The following PLPPR1 variants were observed in gnomAD, a reference collection of about 807,000 sequenced individuals.
PLPPR1 encodes the protein phospholipid phosphatase-related protein type 1.
PLPPR1 carries 10 observed loss-of-function variants against 33.1 expected under a neutral mutation model. The observed-to-expected ratio is 0.30, with a 90% CI of 0.19 to 0.51. The LOEUF is 0.51. Among genes scored for constraint, PLPPR1 ranks in the 20% least tolerant of loss-of-function variants. The probability of loss-of-function intolerance (pLI) is 0.97; values close to 1 mark genes in which losing one functional copy is unlikely to be tolerated. For synonymous variants in PLPPR1, 151 were observed against 151.0 expected, an observed-to-expected ratio of 1.00 and a Z score of 0.00; for missense variants, 304 against 408.1, an observed-to-expected ratio of 0.74 and a Z score of 2.20.
In PLPPR1 at chr9:101,110,218, T is replaced by C. The variant is rs534687527; in HGVS notation, c.-45-75232T>C. Among the ~76,000 whole-genome samples, 188 of 152,338 alleles carry C rather than the reference T, an allele frequency of 1.2e-3. 1 individual carries two copies. The Middle Eastern group carries it at 0.031, about 25-fold the overall frequency. On this transcript the variant is annotated intron_variant, in intron 1 of 7. Coordinates refer to ENST00000374874, the MANE Select transcript of PLPPR1 (RefSeq NM_207299.2). ...GATGATTCAACAGGATTTTTGAATT[T>C]GAGTTTCAGATTGAGTGATAGATCT... is the stretch of plus-strand genomic sequence containing the variant.
chr9:101,062,803 A>C (rs917714789), intron 1 of PLPPR1, among the ~76,000 whole-genome samples: 3 of 152,044 alleles, frequency 2.0e-5, no homozygotes, highest in Non-Finnish European at 2.9e-5. Flanking sequence ...ATATGGTGTA[A>C]GTGCTTGTGT....
chr9:101,061,555 C>T (rs961059780), intron 1 of PLPPR1, among the ~76,000 whole-genome samples: 2 of 151,868 alleles, frequency 1.3e-5, no homozygotes, highest in Admixed American at 6.6e-5. Flanking sequence ...TCTGGATTTG[C>T]CATCACTTTT....
At position 101,288,665 on chromosome 9, in the gene PLPPR1, A is replaced by C. The variant is rs185103971; in HGVS notation, c.385+2429A>C. On this transcript the variant is annotated intron_variant, in intron 4 of 7. Coordinates refer to ENST00000374874, the MANE Select transcript of PLPPR1 (RefSeq NM_207299.2). Reference sequence around the variant, plus strand: ...TGCTCAAGTAAAAAACCTGAGAGACACCTTACGCCATCTGGGAACTTGTTA... The same window carrying C: ...TGCTCAAGTAAAAAACCTGAGAGACCCCTTACGCCATCTGGGAACTTGTTA... Among the ~76,000 whole-genome samples, 163 of 152,272 alleles carry C rather than the reference A, an allele frequency of 1.1e-3. 1 individual carries two copies. The highest frequency in any genetic ancestry group is 1.9e-3 in the Non-Finnish European group (131 of 68,026).
At chr9:101,313,325 TG>T (rs1564035510) in intron 6 of PLPPR1, among the ~76,000 whole-genome samples, 1 of 152,100 alleles carries the variant, frequency 6.6e-6, no homozygotes, top group Non-Finnish European at 1.5e-5. Context: ...CTCAGCATAT[TG>T]GGGGCAAAAG....
At chr9:101,323,001 T>C (rs1395013481) in intron 7 of PLPPR1, among the ~76,000 whole-genome samples, 1 of 152,194 alleles carries the variant, frequency 6.6e-6, no homozygotes, top group African/African-American at 2.4e-5. Context: ...AAAAATTCTA[T>C]ACATTTTGAA....
At chr9:101,301,811 A>C (rs1156930007) in intron 4 of PLPPR1, among the ~76,000 whole-genome samples, 1 of 152,244 alleles carries the variant, frequency 6.6e-6, no homozygotes, top group African/African-American at 2.4e-5. Context: ...CATATCATAG[A>C]TATTCAATCA....
chr9:101,040,199 A>C (rs1046608728), intron 1 of PLPPR1, among the ~76,000 whole-genome samples: 3 of 152,156 alleles, frequency 2.0e-5, no homozygotes, highest in African/African-American at 7.2e-5. Flanking sequence ...CTCAAGCATA[A>C]AGATAACACT....
At chr9:101,279,046 G>C (rs1186672021) in intron 3 of PLPPR1, among the ~76,000 whole-genome samples, 1 of 152,150 alleles carries the variant, frequency 6.6e-6, no homozygotes, top group Non-Finnish European at 1.5e-5. Flanking sequence ...AGTAAAACAT[G>C]ATATCACCAA....
Position 101,116,397 on chromosome 9 carries a change from C to T in PLPPR1, c.-45-69053C>T, listed in dbSNP as rs117771415. On this transcript the variant is annotated intron_variant, in intron 1 of 7. Transcript: ENST00000374874. The stretch of plus-strand genomic sequence containing the variant: ...TTGTCCACATATTGGAATCAGGTAG[C>T]GGTCCCATATCAGCTTGGTTCCATC... 9.3e-3 allele frequency among the ~76,000 whole-genome samples: 1,421 copies of T among 152,258 alleles called. 7 individuals are homozygous for T. Among genetic ancestry groups the T allele is most frequent in the Non-Finnish European group, 0.016 (1,071 of 68,024 alleles).
At chr9:101,070,474 G>A (rs559954744) in intron 1 of PLPPR1, among the ~76,000 whole-genome samples, 1 of 152,120 alleles carries the variant, frequency 6.6e-6, no homozygotes, top group South Asian at 2.1e-4. Flanking sequence ...AAAGGAACTC[G>A]AAGCAGGTCT....
intron 2 of PLPPR1, among the ~76,000 whole-genome samples, chr9:101,256,674 G>A (rs915978640): frequency 2.0e-5 from 3 of 152,054 alleles, no homozygotes; most frequent in Admixed American, 1.3e-4. Context: ...ATGCATAATA[G>A]TGAATAGTGT....
intron 2 of PLPPR1, among the ~76,000 whole-genome samples, chr9:101,251,566 G>A (rs76004732): frequency 0.026 from 3,993 of 151,938 alleles, 176 homozygotes; most frequent in African/African-American, 0.091. Context: ...AAAATGCTTC[G>A]GACTATATAA....
chr9:101,115,623 C>T (rs907938287), intron 1 of PLPPR1, among the ~76,000 whole-genome samples: 9 of 152,236 alleles, frequency 5.9e-5, no homozygotes, highest in African/African-American at 1.9e-4. Context: ...TTTTAGCAAC[C>T]GTTACTTAAA....
intron 2 of PLPPR1, among the ~76,000 whole-genome samples, chr9:101,264,650 A>G (rs1827954973): frequency 2.0e-5 from 3 of 152,212 alleles, no homozygotes; most frequent in Admixed American, 1.3e-4. Flanking sequence ...GAGGCAGCTC[A>G]CAAGAAGAGT....
At chr9:101,085,300 A>T (rs1299953581) in intron 1 of PLPPR1, among the ~76,000 whole-genome samples, 1 of 152,224 alleles carries the variant, frequency 6.6e-6, no homozygotes, top group African/African-American at 2.4e-5. Context: ...GTTACAAAAA[A>T]AGATACTCTA....
Position 101,203,886 on chromosome 9 carries a change from A to C in PLPPR1, c.63+18329A>C, listed in dbSNP as rs1826541253. Among the ~76,000 whole-genome samples the C allele has an allele frequency of 3.3e-5, 5 of 151,984 alleles. No individual in the cohort carries two copies. The South Asian group carries it at 1.0e-3, about 31-fold the overall frequency. ...AAATATTCTCTACCACTTGGAAATG[A>C]GAATGTGTTTTCCATGTAGGATCAG... On this transcript the variant is annotated intron_variant, in intron 2 of 7. Coordinates refer to ENST00000374874, the MANE Select transcript of PLPPR1 (RefSeq NM_207299.2).
chr9:101,151,409 A>C (rs1289236120), intron 1 of PLPPR1, among the ~76,000 whole-genome samples: 2 of 152,244 alleles, frequency 1.3e-5, no homozygotes, highest in Non-Finnish European at 2.9e-5. Flanking sequence ...TTGGCTTCAA[A>C]TATTTGTACT....
At chr9:101,309,136 G>A (rs992253111) in intron 4 of PLPPR1, 75 bp from the exon 5 acceptor site, 51 of 1,485,618 alleles carry the variant, frequency 3.4e-5, no homozygotes, top group Non-Finnish European at 4.1e-5. Context: ...GACTCTCACC[G>A]CTGTTTTCTC....
intron 7 of PLPPR1, chr9:101,322,675 TAAAAC>T (rs1371011703): frequency 6.6e-6 from 1 of 152,166 alleles, no homozygotes; most frequent in Non-Finnish European, 1.5e-5. Flanking sequence ...GCTTAATAGT[TAAAAC>T]TAATTAAAAG....
Sources: gnomAD v4.1 joint callset for allele counts (sites outside exome capture counted in the v4.1 genomes callset) on GRCh38, gnomAD v4.1.1 for gene constraint, MANE v1.5 for transcripts, NCBI Gene and HGNC (gene_info 2026-07-23, HGNC 2026-07-21) for gene names.